The following PLPP1 variants were observed in gnomAD, a reference collection of about 807,000 sequenced individuals.
PLPP1 encodes the protein lipid phosphate phosphohydrolase 1a.
Under a neutral mutation model 31.2 loss-of-function variants are expected in PLPP1, and 24 were observed. That is an observed-to-expected ratio of 0.77 (90% CI 0.56 to 1.08). The LOEUF (loss-of-function observed/expected upper bound fraction) is 1.08. Ranked by LOEUF, PLPP1 falls within the 50% of genes least tolerant of loss-of-function variation. The pLI is 0.00. For synonymous variants in PLPP1, 146 were observed against 126.3 expected, an observed-to-expected ratio of 1.16 and a Z score of -1.05; for missense variants, 319 against 342.7, an observed-to-expected ratio of 0.93 and a Z score of 0.55.
chr5:55,464,821 CTG>C (rs1752251263), intron 3 of PLPP1, among the ~76,000 whole-genome samples: 1 of 152,116 alleles, frequency 6.6e-6, no homozygotes, highest in Admixed American at 6.6e-5. Flanking sequence ...TGTAAATTGA[CTG>C]TAAACACTCA....
intron 3 of PLPP1, among the ~76,000 whole-genome samples, chr5:55,462,953 A>AC (rs1471135100): frequency 6.6e-6 from 1 of 151,724 alleles, no homozygotes; most frequent in Non-Finnish European, 1.5e-5. Flanking sequence ...AGCCTGGGGG[A>AC]TACAGCGAGA....
chr5:55,484,409 A>G (rs1440612826), intron 1 of PLPP1: 1 of 152,182 alleles, frequency 6.6e-6, no homozygotes, highest in Non-Finnish European at 1.5e-5. Flanking sequence ...CAAGTATCAG[A>G]ATAATTTTTT....
chr5:55,520,573 A>G (rs1753642369), intron 1 of PLPP1, among the ~76,000 whole-genome samples: 1 of 152,224 alleles, frequency 6.6e-6, no homozygotes, highest in South Asian at 2.1e-4. Context: ...CACTATTAGC[A>G]TCATCTCTTT....
At chr5:55,477,928 C>T (rs780834843) in intron 1 of PLPP1, among the ~76,000 whole-genome samples, 28 of 150,596 alleles carry the variant, frequency 1.9e-4, no homozygotes, top group Non-Finnish European at 3.4e-4. Flanking sequence ...TGCAGTGAGC[C>T]GAGATTGTGC....
intron 1 of PLPP1, among the ~76,000 whole-genome samples, chr5:55,480,348 T>C (rs1752644349): frequency 6.6e-6 from 1 of 152,090 alleles, no homozygotes; most frequent in African/African-American, 2.4e-5. Context: ...TATAATTCAA[T>C]GGTTTTGGTA....
At chr5:55,450,988 C>A (rs1242839692) in intron 3 of PLPP1, among the ~76,000 whole-genome samples, 2 of 152,196 alleles carry the variant, frequency 1.3e-5, no homozygotes, top group African/African-American at 4.8e-5. Context: ...AGAAACGAGA[C>A]CCTGAGACTT....
intron 4 of PLPP1, among the ~76,000 whole-genome samples, chr5:55,429,064 A>AT (rs1751280353): frequency 2.0e-5 from 3 of 152,092 alleles, no homozygotes; most frequent in Non-Finnish European, 4.4e-5. Flanking sequence ...TCACCCAGAG[A>AT]CCTGCTGGGC....
chr5:55,495,613 C>T (rs968958433), intron 1 of PLPP1, among the ~76,000 whole-genome samples: 10 of 152,040 alleles, frequency 6.6e-5, no homozygotes, highest in Admixed American at 2.6e-4. Context: ...ACTAATACAA[C>T]AATGGTATCT....
intron 1 of PLPP1, among the ~76,000 whole-genome samples, chr5:55,532,808 T>C (rs914123836): frequency 4.6e-4 from 70 of 152,108 alleles, no homozygotes; most frequent in African/African-American, 1.5e-3. Flanking sequence ...AATACGAAAG[T>C]TAGCCGGGCA....
At chr5:55,468,420 A>ATT in intron 2 of PLPP1, 6 of 274,356 alleles carry the variant, frequency 2.2e-5, no homozygotes, top group South Asian at 7.3e-5. Flanking sequence ...ACAAGATCTT[A>ATT]TTTTTTTTTT....
At chr5:55,496,351 C>T (rs1211980646) in intron 1 of PLPP1, among the ~76,000 whole-genome samples, 1 of 152,088 alleles carries the variant, frequency 6.6e-6, no homozygotes, top group Non-Finnish European at 1.5e-5. Flanking sequence ...TTAAAATTTC[C>T]TTAAGAGGAG....
At position 55,425,286 on chromosome 5, in the gene PLPP1, T is replaced by C. The variant is rs778779412; in HGVS notation, c.775A>G (p.Arg259Gly). The C allele has an allele frequency of 6.2e-6, 10 of 1,611,328 alleles. No homozygotes were observed. Among genetic ancestry groups the C allele is most frequent in the Middle Eastern group, 1.6e-4 (1 of 6,080 alleles). Residue 259 changes from arginine (R) to glycine (G), a missense_variant, in exon 6 of 6, where the codon AGA becomes GGA. By Grantham distance (125) the Arg-to-Gly change is moderately radical (BLOSUM62 -2). Transcript: ENST00000307259. ...GTTGTATGAGAGTCCTCCTCTTTTCTTTCTTTAAAAGAAGTTCTTTCTTTG... is the reference window on the plus strand; with the variant it reads ...GTTGTATGAGAGTCCTCCTCTTTTCCTTCTTTAAAAGAAGTTCTTTCTTTG... ...FFKERTSFKE[R>G]KEEDSHTTLH...
intron 4 of PLPP1, among the ~76,000 whole-genome samples, chr5:55,430,574 T>C (rs577881872): frequency 1.3e-5 from 2 of 152,290 alleles, no homozygotes; most frequent in South Asian, 2.1e-4. Context: ...ACCACAGATA[T>C]ATCTTAAGGA....
At chr5:55,533,091 T>C (rs1740735097) in intron 1 of PLPP1, among the ~76,000 whole-genome samples, 1 of 151,608 alleles carries the variant, frequency 6.6e-6, no homozygotes, top group Non-Finnish European at 1.5e-5. Context: ...GGTAACAAAA[T>C]GCAGTTTTAG....
chr5:55,459,687 G>A (rs774680303), intron 3 of PLPP1, among the ~76,000 whole-genome samples: 31 of 152,202 alleles, frequency 2.0e-4, no homozygotes, highest in Non-Finnish European at 4.0e-4. Context: ...CAAAGAGGAA[G>A]ACGCAAGGGA....
At chr5:55,467,719 G>T in intron 3 of PLPP1, 150 bp downstream of exon 3, 1 of 824,902 alleles carries the variant, frequency 1.2e-6, no homozygotes, top group Non-Finnish European at 1.8e-6. Context: ...AAGGCATGAT[G>T]AGAGAGAACA....
chr5:55,435,183 C>T (rs1751463162), intron 4 of PLPP1, among the ~76,000 whole-genome samples: 1 of 152,038 alleles, frequency 6.6e-6, no homozygotes, highest in Non-Finnish European at 1.5e-5. Context: ...AAGTCAAAAC[C>T]ACAATCTTAC....
chr5:55,525,002 C>G (rs1450843891), intron 1 of PLPP1, among the ~76,000 whole-genome samples: 1 of 152,088 alleles, frequency 6.6e-6, no homozygotes, highest in Non-Finnish European at 1.5e-5. Flanking sequence ...CACCACAGAC[C>G]TACACAGATC....
chr5:55,501,588 TCCAACTCCTGG>T (rs1238594137), intron 1 of PLPP1, among the ~76,000 whole-genome samples: 9 of 152,194 alleles, frequency 5.9e-5, no homozygotes, highest in Middle Eastern at 3.4e-3. Flanking sequence ...CACTGCCAAC[TCCAACTCCTGG>T]GTTCAAGCAA....
Sources: gnomAD v4.1 joint callset for allele counts (sites outside exome capture counted in the v4.1 genomes callset) on GRCh38, gnomAD v4.1.1 for gene constraint, MANE v1.5 for transcripts, NCBI Gene and HGNC (gene_info 2026-07-23, HGNC 2026-07-21) for gene names.